The following ZNF385D variants were observed in gnomAD, a reference collection of about 807,000 sequenced individuals.
ZNF385D encodes the protein zinc finger protein 385D.
In ZNF385D, 15 loss-of-function variants were observed where a neutral mutation model predicts 35.8. That is an observed-to-expected ratio of 0.42 (90% confidence interval 0.28 to 0.64). The LOEUF (loss-of-function observed/expected upper bound fraction) is 0.64, where lower values mean the gene tolerates loss of function less well. ZNF385D is among the 30% of genes least tolerant of loss of function. The pLI is 0.23. For missense variants in ZNF385D, 474 were observed against 494.6 expected, an observed-to-expected ratio of 0.96 and a Z score of 0.39; for synonymous variants, 212 against 186.8, an observed-to-expected ratio of 1.13 and a Z score of -1.10.
chr3:21,867,850 C>A (rs528877640), intron 3 of ZNF385D, among the ~76,000 whole-genome samples: 2 of 151,974 alleles, frequency 1.3e-5, no homozygotes, highest in African/African-American at 4.8e-5. Context: ...TATCTAGTCA[C>A]ATGTCACTCT....
At chr3:22,022,662 G>A (rs1697295497) in intron 3 of ZNF385D, among the ~76,000 whole-genome samples, 1 of 152,056 alleles carries the variant, frequency 6.6e-6, no homozygotes, top group Non-Finnish European at 1.5e-5. Flanking sequence ...AGTCATATAT[G>A]TCTTAAGCAA....
chr3:21,846,271 A>G (rs1246284090), intron 3 of ZNF385D, among the ~76,000 whole-genome samples: 1 of 152,032 alleles, frequency 6.6e-6, no homozygotes, highest in Non-Finnish European at 1.5e-5. Flanking sequence ...ATAAAAATAT[A>G]CTATAGCTTT....
At chr3:22,320,976 GA>G (rs1253532908) in intron 2 of ZNF385D, among the ~76,000 whole-genome samples, 1 of 151,830 alleles carries the variant, frequency 6.6e-6, no homozygotes, top group Non-Finnish European at 1.5e-5. Flanking sequence ...TTTTTGAAAT[GA>G]AAGCAGGAAA....
chr3:21,917,238 C>T (rs899195882), intron 3 of ZNF385D, among the ~76,000 whole-genome samples: 6 of 152,098 alleles, frequency 3.9e-5, no homozygotes, highest in Non-Finnish European at 5.9e-5. Context: ...TTGAGGCCAG[C>T]CTGGCCAACA....
At chr3:22,211,472 C>T (rs368614326) in intron 2 of ZNF385D, among the ~76,000 whole-genome samples, 36 of 151,984 alleles carry the variant, frequency 2.4e-4, no homozygotes, top group Non-Finnish European at 4.6e-4. Context: ...CGAATAGAGA[C>T]AATCAAATTA....
At chr3:21,912,952 G>A (rs1391144894) in intron 3 of ZNF385D, among the ~76,000 whole-genome samples, 1 of 151,992 alleles carries the variant, frequency 6.6e-6, no homozygotes, top group Non-Finnish European at 1.5e-5. Flanking sequence ...TCTTACTGTG[G>A]TTTAAGAAAA....
At chr3:21,516,625 T>C (rs1707583630) in intron 3 of ZNF385D, among the ~76,000 whole-genome samples, 1 of 152,172 alleles carries the variant, frequency 6.6e-6, no homozygotes, top group African/African-American at 2.4e-5. Flanking sequence ...ATATACTTTT[T>C]TCCTTGTTTC....
intron 3 of ZNF385D, among the ~76,000 whole-genome samples, chr3:21,926,805 C>G (rs1200330703): frequency 1.3e-5 from 2 of 152,136 alleles, no homozygotes; most frequent in Admixed American, 1.3e-4. Flanking sequence ...CAAATGGGAT[C>G]TAATTAAACT....
chr3:21,825,626 A>G (rs764139177), intron 3 of ZNF385D, among the ~76,000 whole-genome samples: 28 of 152,198 alleles, frequency 1.8e-4, no homozygotes, highest in Non-Finnish European at 2.8e-4. Context: ...TGACTTCAAT[A>G]AACAAGTTTT....
intron 3 of ZNF385D, among the ~76,000 whole-genome samples, chr3:21,964,092 T>G (rs1185441962): frequency 6.6e-6 from 1 of 152,108 alleles, no homozygotes; most frequent in African/African-American, 2.4e-5. Context: ...CATTTCCTAC[T>G]TAACCCTTCT....
At chr3:22,124,678 A>T (rs1703323806) in intron 3 of ZNF385D, among the ~76,000 whole-genome samples, 1 of 152,158 alleles carries the variant, frequency 6.6e-6, no homozygotes, top group Non-Finnish European at 1.5e-5. Flanking sequence ...AATGATGCTG[A>T]TCATATTTTC....
Position 21,948,678 on chromosome 3 carries a change from C to T in ZNF385D, c.325+220139G>A, listed in dbSNP as rs114614992. Among the ~76,000 whole-genome samples, 496 of 138,946 alleles carry T rather than the reference C, an allele frequency of 3.6e-3. 2 individuals are homozygous for T. Among genetic ancestry groups the T allele is most frequent in the Non-Finnish European group, 6.0e-3 (392 of 65,300 alleles). The allele number at this position is 138,946 out of a possible 152,430, so 91.2% of individuals were successfully genotyped here. A position where few individuals can be genotyped will look rare whatever the true frequency, so the allele number is the denominator to read the frequency against. ...GATTCTGCTATAATCCATACACTTGCCTTCTCTGTTTTCCAATTGCATGAG... is the reference window on the plus strand; with the variant it reads ...GATTCTGCTATAATCCATACACTTGTCTTCTCTGTTTTCCAATTGCATGAG... On this transcript the variant is annotated intron_variant, in intron 3 of 5. Transcript: ENST00000494108.
intron 3 of ZNF385D, among the ~76,000 whole-genome samples, chr3:22,074,761 G>C (rs925362779): frequency 3.3e-5 from 5 of 151,834 alleles, no homozygotes; most frequent in African/African-American, 1.2e-4. Context: ...AATCTTACTT[G>C]TTCCATCATC....
rs1029906756 is a variant in ZNF385D at position 21,685,937 on chromosome 3, T to C, written c.23-20909A>G. The stretch of plus-strand genomic sequence containing the variant: ...ACTGAGACAATCAGAGCAGGGAGAA[T>C]GGGTGAACCGGGAAAGAAGAAAGAG... On this transcript the variant is annotated intron_variant, in intron 1 of 7. Coordinates refer to ENST00000281523, the MANE Select transcript of ZNF385D (RefSeq NM_024697.3). Among the ~76,000 whole-genome samples, 7 of 152,056 alleles carry C rather than the reference T, an allele frequency of 4.6e-5. No homozygotes were observed. In the East Asian group the frequency reaches 1.4e-3, roughly 29 times the overall value.
chr3:22,215,450 AG>A (rs1697810532), intron 2 of ZNF385D, among the ~76,000 whole-genome samples: 1 of 151,956 alleles, frequency 6.6e-6, no homozygotes, highest in South Asian at 2.1e-4. Flanking sequence ...TGGCTGCTTC[AG>A]GGGGCGGCCG....
At chr3:21,948,374 T>A (rs974773121) in intron 3 of ZNF385D, among the ~76,000 whole-genome samples, 1 of 151,888 alleles carries the variant, frequency 6.6e-6, no homozygotes, top group Non-Finnish European at 1.5e-5. Flanking sequence ...AGGAGGCAGG[T>A]TTTTCTTTTC....
chr3:21,754,499 A>G (rs2070249271), upstream of ZNF385D, among the ~76,000 whole-genome samples: 1 of 152,192 alleles, frequency 6.6e-6, no homozygotes, highest in Non-Finnish European at 1.5e-5. Context: ...GTATTAAAAT[A>G]TCATGGTTGG....
At chr3:22,308,713 G>A (rs1221632808) in intron 2 of ZNF385D, among the ~76,000 whole-genome samples, 1 of 152,036 alleles carries the variant, frequency 6.6e-6, no homozygotes, top group Non-Finnish European at 1.5e-5. Flanking sequence ...AGAGTATTCT[G>A]AGAAAATAAA....
Position 21,603,702 on chromosome 3 carries a change from C to T in ZNF385D, c.166-39018G>A, listed in dbSNP as rs896698383. Among the ~76,000 whole-genome samples, 7 of 152,156 alleles carry T rather than the reference C, an allele frequency of 4.6e-5. No homozygotes were observed. The East Asian group carries it at 5.8e-4, about 13-fold the overall frequency. On this transcript the variant is annotated intron_variant, in intron 2 of 7. Coordinates refer to ENST00000281523, the MANE Select transcript of ZNF385D (RefSeq NM_024697.3). ...TTATGAAAGTATAACAAAAAAAGTA[C>T]AAGTAGTAATCAATTTTAAATCTAT...
Sources: allele counts gnomAD v4.1 joint callset (sites outside exome capture counted in the v4.1 genomes callset), GRCh38; gene constraint gnomAD v4.1.1; transcripts MANE v1.5; gene names NCBI Gene and HGNC (gene_info 2026-07-23, HGNC 2026-07-21).